Variants in ALAS2 observed in about 807,000 individuals in gnomAD.
ALAS2 encodes the protein 5-aminolevulinate synthase, erythroid-specific, mitochondrial.
Under a neutral mutation model 33.7 loss-of-function variants are expected in ALAS2, and 3 were observed. That is an observed-to-expected ratio of 0.09 (90% confidence interval 0.04 to 0.23). ALAS2 has a LOEUF of 0.23. ALAS2 is among the 10% of genes least tolerant of loss of function. The pLI, the probability that ALAS2 is intolerant of heterozygous loss-of-function variation, is 1.00. For synonymous variants in ALAS2, 191 were observed against 177.3 expected, an observed-to-expected ratio of 1.08 and a Z score of -0.61; for missense variants, 304 against 475.1, an observed-to-expected ratio of 0.64 and a Z score of 3.35.
chrX:55,014,624 A>C, intron 9 of ALAS2, 123 bp downstream of exon 9: 1 of 900,120 alleles, frequency 1.1e-6, no homozygotes. Flanking sequence ...AAAGCTGGCA[A>C]TAAAGGGAAT....
At chrX:55,023,895 C>T in intron 3 of ALAS2, 28 bp from the exon 4 acceptor site, 1 of 1,117,928 alleles carries the variant, frequency 8.9e-7, no homozygotes, top group African/African-American at 1.8e-5. Context: ...ATTCATTGGC[C>T]GTGAAGAGAA....
At chrX:55,023,970 T>G in intron 3 of ALAS2, 103 bp from the exon 4 acceptor site, 2 of 689,453 alleles carry the variant, frequency 2.9e-6, no homozygotes. Context: ...AATTCAAGTT[T>G]ATAAGGTAAG....
At chrX:55,019,639 G>A (rs1453297594) in intron 6 of ALAS2, among the ~76,000 whole-genome samples, 2 of 111,429 alleles carry the variant, frequency 1.8e-5, no homozygotes, top group Admixed American at 9.5e-5. Context: ...GCAACTGTAT[G>A]AGCCCGGAAT....
intron 10 of ALAS2, among the ~76,000 whole-genome samples, chrX:55,012,703 C>A (rs186802334): frequency 8.9e-6 from 1 of 112,224 alleles, no homozygotes; most frequent in East Asian, 2.8e-4. Context: ...AGGAGAATTG[C>A]TTGAGCCAGG....
intron 3 of ALAS2, 129 bp from the exon 4 acceptor site, chrX:55,023,996 G>A (rs1225362505): frequency 1.5e-5 from 8 of 530,849 alleles, no homozygotes; most frequent in Admixed American, 5.6e-5. Flanking sequence ...CTTCTACAGC[G>A]AGAAGAAATC....
At chrX:55,029,128 C>T (rs1420699453) in intron 1 of ALAS2, among the ~76,000 whole-genome samples, 1 of 111,469 alleles carries the variant, frequency 9.0e-6, no homozygotes, top group Non-Finnish European at 1.9e-5. Context: ...CTCCATTTCC[C>T]ATGTAGAAAA....
intron 1 of ALAS2, 123 bp downstream of exon 1, chrX:55,030,819 A>C (rs1935984962): frequency 1.1e-5 from 2 of 183,127 alleles, no homozygotes; most frequent in South Asian, 8.9e-5. Context: ...AAAAAGAGAC[A>C]GATTCTAAGA....
At chrX:55,019,393 T>A (rs1360781677) in intron 6 of ALAS2, among the ~76,000 whole-genome samples, 4 of 111,449 alleles carry the variant, frequency 3.6e-5, no homozygotes, top group Non-Finnish European at 7.5e-5. Context: ...GTAGGTGCTT[T>A]GTGGCTGGGA....
At chrX:55,015,136 G>A in intron 8 of ALAS2, 121 bp from the exon 9 acceptor site, 1 of 791,271 alleles carries the variant, frequency 1.3e-6, no homozygotes, top group South Asian at 2.8e-5. Context: ...TGTCTTCCCA[G>A]GCCTCTGCTC....
intron 1 of ALAS2, chrX:55,027,608 G>A (rs1298321138): frequency 3.5e-6 from 2 of 567,806 alleles, no homozygotes; most frequent in Admixed American, 2.5e-5. Context: ...CTGACACTGT[G>A]AAGAAAGTTA....
chrX:55,012,734 A>G (rs1935622839), intron 10 of ALAS2, among the ~76,000 whole-genome samples: 1 of 112,436 alleles, frequency 8.9e-6, no homozygotes, highest in South Asian at 3.7e-4. Context: ...CAGAGGTAGC[A>G]GTGAGCCAAG....
In ALAS2 at chrX:55,020,474, A is replaced by G. The variant is rs762988776; in HGVS notation, c.669T>C (p.Ala223=). 12 of 1,182,116 alleles carry G rather than the reference A, an allele frequency of 1.0e-5. No homozygotes were observed. In the Admixed American group the frequency reaches 1.2e-4, roughly 12 times the overall value. The change falls in exon 6 of 11, where the codon GCT becomes GCC. Residue 223 remains alanine (A), a synonymous_variant. Coordinates refer to ENST00000650242, the MANE Select transcript of ALAS2 (RefSeq NM_000032.5). ...TGCCTGAGATGTTGCGGGTGCCACC[A>G]GCTCCAGCACCATGACGCTGCAGGG... ...QETLQRHGAG[A]GGTRNISGTS... is the part of the protein sequence containing the mutation.
In ALAS2 at chrX:55,023,799, T is replaced by TCTGCTC; in HGVS notation, c.367_372dup (p.Glu123_Gln124dup). ...ATCAGGTGTGTGACCTTCCCAGAGA[T>TCTGCTC]CTGCTCCTGCTCCTGGGGACCGGAA... On this transcript the variant is annotated inframe_insertion, in exon 4 of 11. Coordinates refer to ENST00000650242, the MANE Select transcript of ALAS2 (RefSeq NM_000032.5). The TCTGCTC allele has an allele frequency of 3.3e-6, 4 of 1,210,536 alleles. No individual in the cohort carries two copies. The highest frequency in any genetic ancestry group is 4.5e-6 in the Non-Finnish European group (4 of 895,217).
chrX:55,017,749 GCCAA>G, intron 6 of ALAS2, 84 bp from the exon 7 acceptor site: 2 of 1,004,520 alleles, frequency 2.0e-6, no homozygotes, highest in Non-Finnish European at 2.8e-6. Flanking sequence ...AAAGAAAAGG[GCCAA>G]CCCTTTCTTC....
chrX:55,029,795 A>G (rs1935960331), intron 1 of ALAS2, among the ~76,000 whole-genome samples: 1 of 111,909 alleles, frequency 8.9e-6, no homozygotes, highest in Non-Finnish European at 1.9e-5. Context: ...GAAATTTGAG[A>G]CCAAGTAACA....
intron 1 of ALAS2, among the ~76,000 whole-genome samples, chrX:55,028,703 CCTCA>C (rs1307944585): frequency 8.9e-6 from 1 of 111,753 alleles, no homozygotes. Context: ...ATTTGCTCTG[CCTCA>C]CTCTGCCTGG....
intron 1 of ALAS2, among the ~76,000 whole-genome samples, chrX:55,027,330 G>T (rs1189195091): frequency 9.1e-6 from 1 of 110,112 alleles, no homozygotes; most frequent in Non-Finnish European, 1.9e-5. Context: ...AATTGAGGGA[G>T]ATGAGAGAGA....
At chrX:55,024,898 C>A in intron 2 of ALAS2, 58 bp from the exon 3 acceptor site, 2 of 1,187,842 alleles carry the variant, frequency 1.7e-6, no homozygotes, top group Non-Finnish European at 2.3e-6. Context: ...TTCAGCTCAA[C>A]AATAATTGCT....
intron 6 of ALAS2, among the ~76,000 whole-genome samples, chrX:55,019,541 G>A (rs753135672): frequency 2.5e-4 from 28 of 111,313 alleles, no homozygotes; most frequent in Admixed American, 1.9e-3. Context: ...CATAAACTTC[G>A]AGAACTGACC....
Sources: allele counts gnomAD v4.1 joint callset (sites outside exome capture counted in the v4.1 genomes callset), GRCh38; gene constraint gnomAD v4.1.1; transcripts MANE v1.5; gene names NCBI Gene and HGNC (gene_info 2026-07-23, HGNC 2026-07-21).